RDX: variants seen among roughly 807,000 people sequenced by gnomAD.
RDX encodes radixin.
RDX carries 32 observed loss-of-function variants against 83.7 expected under a neutral mutation model. The ratio of observed to expected loss-of-function variants is 0.38; its 90% CI spans 0.29 to 0.51. The LOEUF is 0.51. RDX is among the 20% of genes least tolerant of loss of function. The pLI is 0.87. For synonymous variants in RDX, 229 were observed against 222.7 expected, an observed-to-expected ratio of 1.03 and a Z score of -0.25; for missense variants, 600 against 689.9, an observed-to-expected ratio of 0.87 and a Z score of 1.46.
At chr11:110,215,394 AAATAAATAAATAAAT>A in intron 14 of RDX, among the ~76,000 whole-genome samples, 1 of 150,268 alleles carries the variant, frequency 6.7e-6, no homozygotes, top group African/African-American at 2.4e-5. Context: ...ATAAATAAAT[AAATAAATAAATAAAT>A]AAAATAATAA....
At chr11:110,268,836 A>G (rs182687237) in intron 3 of RDX, among the ~76,000 whole-genome samples, 30 of 151,902 alleles carry the variant, frequency 2.0e-4, no homozygotes, top group Non-Finnish European at 3.8e-4. Context: ...TTCTGATCAC[A>G]TACTTTTAGA....
chr11:110,188,997 T>C (rs981750707), intron 15 of RDX, among the ~76,000 whole-genome samples: 1 of 151,626 alleles, frequency 6.6e-6, no homozygotes, highest in Non-Finnish European at 1.5e-5. Flanking sequence ...ACCTCACATA[T>C]CAACGTTAAC....
chr11:110,189,243 T>TAAAAAAAAAAAAAAAAAAAAAAA (rs35450797), intron 15 of RDX, among the ~76,000 whole-genome samples: 38 of 35,594 alleles, frequency 1.1e-3, no homozygotes, highest in African/African-American at 2.0e-3. Context: ...GAACAACAGG[T>TAAAAAAAAAAAAAAAAAAAAAAA]AAAAAAAAAA....
intron 15 of RDX, among the ~76,000 whole-genome samples, chr11:110,177,338 G>T (rs1421032171): frequency 6.6e-6 from 1 of 152,210 alleles, no homozygotes; most frequent in Non-Finnish European, 1.5e-5. Flanking sequence ...CTTTGAGCAG[G>T]TCCTTAATCT....
At chr11:110,180,398 C>T (rs548652895) in intron 15 of RDX, among the ~76,000 whole-genome samples, 85 of 152,152 alleles carry the variant, frequency 5.6e-4, no homozygotes, top group Non-Finnish European at 8.8e-4. Flanking sequence ...CCAACTTCAG[C>T]GGTCGGAATC....
chr11:110,193,109 A>C (rs1036322929), intron 15 of RDX, among the ~76,000 whole-genome samples: 1 of 152,230 alleles, frequency 6.6e-6, no homozygotes, highest in South Asian at 2.1e-4. Context: ...AAGATACGGA[A>C]TCAACCTAGG....
chr11:110,273,184 G>A (rs1860371366), intron 2 of RDX: 1 of 439,086 alleles, frequency 2.3e-6, no homozygotes, highest in Non-Finnish European at 4.6e-6. Context: ...CTGAACTTCA[G>A]CCTGCACAAC....
chr11:110,237,882 C>T, intron 10 of RDX: 1 of 569,692 alleles, frequency 1.8e-6, no homozygotes, highest in Non-Finnish European at 3.3e-6. Flanking sequence ...AGCAATCCTC[C>T]CGCCTCAGCC....
At chr11:110,240,307 G>A (rs1865032249) in intron 10 of RDX, among the ~76,000 whole-genome samples, 1 of 144,912 alleles carries the variant, frequency 6.9e-6, no homozygotes, top group Non-Finnish European at 1.6e-5. Context: ...ACTATTGCAT[G>A]TTTTCACTCA....
At chr11:110,294,831 G>C (rs569751830) in intron 1 of RDX, among the ~76,000 whole-genome samples, 2 of 152,106 alleles carry the variant, frequency 1.3e-5, no homozygotes, top group Non-Finnish European at 2.9e-5. Flanking sequence ...CATGTGTGGG[G>C]ATACAGGAGT....
chr11:110,204,963 T>A (rs942482486), intron 14 of RDX, among the ~76,000 whole-genome samples: 3 of 152,212 alleles, frequency 2.0e-5, no homozygotes, highest in Non-Finnish European at 1.5e-5. Flanking sequence ...AAACAAGGTG[T>A]AGCAACTTTT....
intron 15 of RDX, among the ~76,000 whole-genome samples, chr11:110,181,109 G>A (rs144175851): frequency 3.8e-4 from 57 of 151,592 alleles, no homozygotes; most frequent in African/African-American, 1.3e-3. Flanking sequence ...AGCAGCTCAG[G>A]TGGTGGCCAG....
At chr11:110,264,535 T>C (rs894723950) in intron 4 of RDX, among the ~76,000 whole-genome samples, 1 of 152,074 alleles carries the variant, frequency 6.6e-6, no homozygotes, top group African/African-American at 2.4e-5. Flanking sequence ...CCATTTGTAA[T>C]ATCTGCTTTA....
Position 110,264,648 on chromosome 11 carries a change from T to C in RDX, c.192+131A>G, listed in dbSNP as rs528912418. On this transcript the variant is annotated intron_variant, in intron 4 of 13. Coordinates refer to ENST00000645495, the MANE Select transcript of RDX (RefSeq NM_002906.4). ...GTGCCTGATTGAATTTAAAAAAACA[T>C]GGTACCTCATAATGATTAACAGATA... 2.5e-5 allele frequency: 15 copies of C among 608,504 alleles called. No individual in the cohort carries two copies. The East Asian group carries it at 4.3e-4, about 17-fold the overall frequency. The allele number at this position is 608,504 out of a possible 1,614,324, so 37.7% of individuals were successfully genotyped here.
chr11:110,233,571 T>C (rs1227423070), intron 12 of RDX, 92 bp from the exon 13 acceptor site: 1 of 1,366,194 alleles, frequency 7.3e-7, no homozygotes, highest in Admixed American at 2.0e-5. Context: ...AGAAACTGTA[T>C]TTCAAGGTAA....
At position 110,272,624 on chromosome 11, in the gene RDX, A is replaced by T; in HGVS notation, c.13-5T>A. On this transcript the variant is annotated splice_region_variant and splice_polypyrimidine_tract_variant and intron_variant, in intron 2 of 13. Coordinates refer to ENST00000645495, the MANE Select transcript of RDX (RefSeq NM_002906.4). ...TGTAGTTACTCTTACGTTGATCTGT[A>T]ATAAAAATAAAAGGAATAATAAGTA... 6.3e-7 allele frequency: 1 copy of T among 1,590,762 alleles called. No individual in the cohort carries two copies. The highest frequency in any genetic ancestry group is 2.2e-5 in the East Asian group (1 of 44,472).
At chr11:110,252,403 T>C (rs1042286101) in intron 9 of RDX, among the ~76,000 whole-genome samples, 3 of 152,186 alleles carry the variant, frequency 2.0e-5, no homozygotes, top group Non-Finnish European at 2.9e-5. Context: ...TAGATAAATA[T>C]AGTAAGTTGA....
intron 15 of RDX, among the ~76,000 whole-genome samples, chr11:110,194,113 G>A (rs762745789): frequency 1.3e-5 from 2 of 152,220 alleles, no homozygotes; most frequent in Non-Finnish European, 2.9e-5. Flanking sequence ...GTGAGAGTAA[G>A]AACAGATGTG....
chr11:110,244,363 CAAA>C (rs71053874), intron 10 of RDX, among the ~76,000 whole-genome samples: 6 of 51,312 alleles, frequency 1.2e-4, no homozygotes, highest in African/African-American at 4.5e-4. Context: ...GATTCTGGCT[CAAA>C]AAAAAAAAAA....
Sources: allele counts gnomAD v4.1 joint callset (sites outside exome capture counted in the v4.1 genomes callset), GRCh38; gene constraint gnomAD v4.1.1; transcripts MANE v1.5; gene names NCBI Gene and HGNC (gene_info 2026-07-23, HGNC 2026-07-21).